Variants in ADGRL3 observed in about 807,000 individuals in gnomAD.
The protein encoded by ADGRL3 is calcium-independent alpha-latrotoxin receptor 3.
In ADGRL3, 62 loss-of-function variants were observed where a neutral mutation model predicts 153.5. The observed-to-expected ratio is 0.40, with a 90% CI of 0.33 to 0.50. ADGRL3 has a LOEUF of 0.50. ADGRL3 is among the 20% of genes least tolerant of loss of function. ADGRL3 has a pLI of 0.47. For synonymous variants in ADGRL3, 710 were observed against 672.5 expected, an observed-to-expected ratio of 1.06 and a Z score of -0.86; for missense variants, 1,641 against 1,859.4, an observed-to-expected ratio of 0.88 and a Z score of 2.16.
intron 9 of ADGRL3, among the ~76,000 whole-genome samples, chr4:61,818,734 T>A (rs2097716862): frequency 6.6e-6 from 1 of 152,104 alleles, no homozygotes; most frequent in Admixed American, 6.5e-5. Context: ...CCTGATAGAT[T>A]CTACTTCTTA....
At chr4:61,967,693 A>G (rs1204437069) in intron 17 of ADGRL3, among the ~76,000 whole-genome samples, 1 of 152,198 alleles carries the variant, frequency 6.6e-6, no homozygotes, top group East Asian at 1.9e-4. Context: ...TATGTTGTCT[A>G]TGTCCAAAAT....
chr4:61,845,455 A>C (rs1176087611), intron 9 of ADGRL3, among the ~76,000 whole-genome samples: 2 of 151,916 alleles, frequency 1.3e-5, no homozygotes, highest in Non-Finnish European at 2.9e-5. Flanking sequence ...GGCTCAAGCC[A>C]TCCTTACACC....
chr4:61,321,562 T>C (rs1305053303), intron 1 of ADGRL3, among the ~76,000 whole-genome samples: 1 of 150,424 alleles, frequency 6.6e-6, no homozygotes, highest in African/African-American at 2.5e-5. Context: ...AAACATGGAG[T>C]GTACATACAC....
At position 61,251,064 on chromosome 4, in the gene ADGRL3, G is replaced by T. The variant is rs1759038428; in HGVS notation, c.-240+49299G>T. Among the ~76,000 whole-genome samples, 3 of 152,096 alleles carry T rather than the reference G, an allele frequency of 2.0e-5. No individual in the cohort carries two copies. In the South Asian group the frequency reaches 6.2e-4, roughly 32 times the overall value. ...TATAAAAAACTTCCCAAATCTAATG[G>T]CATAAAACAACTACTGTTTTATTAT... On this transcript the variant is annotated intron_variant, in intron 1 of 26. Transcript: ENST00000683033.
At chr4:61,423,702 T>C (rs2097239994) in intron 2 of ADGRL3, among the ~76,000 whole-genome samples, 1 of 152,088 alleles carries the variant, frequency 6.6e-6, no homozygotes, top group Non-Finnish European at 1.5e-5. Context: ...GTCATGATTG[T>C]GAGAGGTTTC....
In ADGRL3 at chr4:61,342,642, C is replaced by T. The variant is rs116598305; in HGVS notation, c.-239-40482C>T. ...CATCTGGCTCTCCAACCTTCTTTCC[C>T]ATTTATTGCTGATGTGACTGATCTC... On this transcript the variant is annotated intron_variant, in intron 1 of 26. Transcript: ENST00000683033. Among the ~76,000 whole-genome samples the T allele has an allele frequency of 6.3e-3, 966 of 152,250 alleles. 12 individuals are homozygous for T. Among genetic ancestry groups the T allele is most frequent in the Non-Finnish European group, 7.2e-3 (492 of 68,008 alleles).
At chr4:61,517,612 G>GCA (rs2098505279) in intron 4 of ADGRL3, 94 bp downstream of exon 4, 1 of 665,614 alleles carries the variant, frequency 1.5e-6, no homozygotes, top group South Asian at 1.6e-5. Context: ...GTGTCTTCTT[G>GCA]TAAGTTTACT....
chr4:61,892,717 C>T lies in ADGRL3; in HGVS notation c.1542C>T (p.Thr514=). ...GSTTTSTTLR[T]TTLSPGRSTT... ...CTACCACCAGTACCACCCTTCGGAC[C>T]ACAACTTTGAGCCCAGGAAGGAGTA... The change falls in exon 10 of 27, where the codon ACC becomes ACT. Residue 514 remains threonine, a synonymous_variant. Transcript: ENST00000683033. 1 of 1,613,870 alleles carries T rather than the reference C, an allele frequency of 6.2e-7. No individual in the cohort carries two copies.
chr4:61,208,645 AT>A (rs963511137), intron 1 of ADGRL3, among the ~76,000 whole-genome samples: 27 of 152,252 alleles, frequency 1.8e-4, no homozygotes, highest in African/African-American at 6.0e-4. Flanking sequence ...GGTTATTAGC[AT>A]TTTTTAGAGG....
chr4:61,523,207 A>G (rs56338474), intron 4 of ADGRL3, among the ~76,000 whole-genome samples: 3,311 of 152,192 alleles, frequency 0.022, 109 homozygotes, highest in East Asian at 0.15. Context: ...TTACTACATT[A>G]TAGTCTGAAG....
chr4:61,724,249 T>C (rs1175614306), intron 6 of ADGRL3, among the ~76,000 whole-genome samples: 1 of 152,200 alleles, frequency 6.6e-6, no homozygotes, highest in African/African-American at 2.4e-5. Flanking sequence ...GTATTACCAA[T>C]AATAACTTCG....
chr4:61,863,590 A>T (rs760685685), intron 9 of ADGRL3, among the ~76,000 whole-genome samples: 1 of 152,170 alleles, frequency 6.6e-6, no homozygotes, highest in Non-Finnish European at 1.5e-5. Context: ...GAAAGTGGAC[A>T]TTTATCTTGG....
At chr4:61,753,341 G>A (rs1246758678) in intron 8 of ADGRL3, among the ~76,000 whole-genome samples, 1 of 152,130 alleles carries the variant, frequency 6.6e-6, no homozygotes, top group Admixed American at 6.5e-5. Flanking sequence ...TTGGCTCAAA[G>A]TGTCTTTAGA....
chr4:61,358,596 CAAAAAAA>C (rs71211377), intron 1 of ADGRL3, among the ~76,000 whole-genome samples: 1 of 96,860 alleles, frequency 1.0e-5, no homozygotes, highest in African/African-American at 3.9e-5. Flanking sequence ...GACTCCGTCT[CAAAAAAA>C]AAAAAAAAAA....
intron 5 of ADGRL3, among the ~76,000 whole-genome samples, chr4:61,623,815 A>T (rs1454751372): frequency 6.6e-6 from 1 of 152,124 alleles, no homozygotes; most frequent in African/African-American, 2.4e-5. Context: ...AGCACTTAAT[A>T]AAGGAATGTG....
Position 61,229,940 on chromosome 4 carries a change from A to G in ADGRL3, c.-240+28175A>G, listed in dbSNP as rs74946180. Among the ~76,000 whole-genome samples the G allele has an allele frequency of 3.3e-3, 499 of 152,030 alleles. 5 individuals carry two copies. The highest frequency in any genetic ancestry group is 0.012 in the African/African-American group (489 of 41,472). Reference sequence around the variant, plus strand: ...TATACACACATATATGTATATACATATTATATAGATAGATAGATAGATAGA... The same window carrying G: ...TATACACACATATATGTATATACATGTTATATAGATAGATAGATAGATAGA... On this transcript the variant is annotated intron_variant, in intron 1 of 26. Transcript: ENST00000683033.
chr4:61,847,082 T>G (rs1436834959), intron 9 of ADGRL3, among the ~76,000 whole-genome samples: 1 of 151,566 alleles, frequency 6.6e-6, no homozygotes, highest in African/African-American at 2.4e-5. Context: ...AACATGAGAT[T>G]TGGATGGGGA....
At chr4:61,730,427 A>C (rs1048456382) in intron 6 of ADGRL3, among the ~76,000 whole-genome samples, 195 bp from the exon 7 acceptor site, 3 of 151,866 alleles carry the variant, frequency 2.0e-5, no homozygotes, top group Non-Finnish European at 4.4e-5. Context: ...AAAGCATATA[A>C]TATGATTATT....
intron 15 of ADGRL3, among the ~76,000 whole-genome samples, chr4:61,945,984 GT>G (rs1173574530): frequency 6.6e-6 from 1 of 152,072 alleles, no homozygotes; most frequent in African/African-American, 2.4e-5. Flanking sequence ...ATTATATAAT[GT>G]GCCATAATTT....
Sources: gnomAD v4.1 joint callset for allele counts (sites outside exome capture counted in the v4.1 genomes callset) on GRCh38, gnomAD v4.1.1 for gene constraint, MANE v1.5 for transcripts, NCBI Gene and HGNC (gene_info 2026-07-23, HGNC 2026-07-21) for gene names.